The following SULT1C3 variants were observed in gnomAD, a reference collection of about 807,000 sequenced individuals.
SULT1C3 encodes the protein sulfotransferase 1C3.
SULT1C3 carries 31 observed loss-of-function variants against 28.4 expected under a neutral mutation model. The observed-to-expected ratio is 1.09, with a 90% CI of 0.82 to 1.47. SULT1C3 has a LOEUF of 1.47. Ranked by LOEUF, SULT1C3 falls within the 40% of genes most tolerant of loss-of-function variation. SULT1C3 has a pLI of 0.00. For missense variants in SULT1C3, 307 were observed against 272.5 expected (o/e 1.13, Z -0.89); for synonymous variants, 106 against 92.2 (o/e 1.15, Z -0.86).
chr2:108,259,992 G>C (rs1338736534), intron 7 of SULT1C3, among the ~76,000 whole-genome samples: 2 of 152,056 alleles, frequency 1.3e-5, no homozygotes, highest in Non-Finnish European at 2.9e-5. Flanking sequence ...TAATCCTCTT[G>C]TCAAAGGGTA....
intron 4 of SULT1C3, among the ~76,000 whole-genome samples, 172 bp from the exon 5 acceptor site, chr2:108,255,400 A>G (rs1022100434): frequency 1.3e-5 from 2 of 152,060 alleles, no homozygotes; most frequent in Non-Finnish European, 2.9e-5. Context: ...CATGGGTATG[A>G]GGGTTGCAGA....
At position 108,252,373 on chromosome 2, in the gene SULT1C3, T is replaced by C; in HGVS notation, c.181T>C (p.Trp61Arg). The stretch of plus-strand genomic sequence containing the variant: ...ATTTCAAATATTTTCAGGTACAACA[T>C]GGATGCATGAAATTTTAGACATGAT... ...LATYPKSGTT[W>R]MHEILDMILN... The change falls in exon 3 of 8, where the codon TGG (tryptophan) becomes CGG (arginine). Residue 61 changes from tryptophan to arginine, a missense_variant. Transcript: ENST00000681802. 1 of 1,609,486 alleles carries C rather than the reference T, an allele frequency of 6.2e-7. No individual in the cohort carries two copies. Among genetic ancestry groups the C allele is most frequent in the Non-Finnish European group, 8.5e-7 (1 of 1,177,498 alleles).
chr2:108,245,404 T>C (rs1675554186), intron 1 of SULT1C3, among the ~76,000 whole-genome samples: 1 of 152,234 alleles, frequency 6.6e-6, no homozygotes, highest in Non-Finnish European at 1.5e-5. Flanking sequence ...CCTGCTATGA[T>C]GGCCTATGCT....
intron 1 of SULT1C3, among the ~76,000 whole-genome samples, chr2:108,243,614 G>A (rs1239136971): frequency 2.7e-5 from 4 of 146,074 alleles, no homozygotes; most frequent in Non-Finnish European, 4.5e-5. Context: ...CTGGGTGACA[G>A]AGCAAGACTC....
At chr2:108,243,330 T>C (rs1675505996) in intron 1 of SULT1C3, among the ~76,000 whole-genome samples, 1 of 152,126 alleles carries the variant, frequency 6.6e-6, no homozygotes, top group South Asian at 2.1e-4. Flanking sequence ...TAACAGCTCC[T>C]TCTTAAGATA....
Position 108,247,325 on chromosome 2 carries a change from C to G in SULT1C3, c.131C>G (p.Ala44Gly). ...TGGGAAAAAGTATGTAATTTCCAAG[C>G]CAAGCCTGATGATCTTATTCTGGCA... ...EWWEKVCNFQ[A>G]KPDDLILATY... Residue 44 changes from alanine to glycine, a missense_variant, in exon 2 of 8, where the codon GCC (alanine) becomes GGC (glycine). By Grantham distance (60) the Ala-to-Gly change is moderately conservative. Transcript: ENST00000681802. 1 of 1,573,754 alleles carries G rather than the reference C, an allele frequency of 6.4e-7. No homozygotes were observed. Among genetic ancestry groups the G allele is most frequent in the Non-Finnish European group, 8.6e-7 (1 of 1,158,730 alleles).
chr2:108,245,015 T>C (rs1323944875), intron 1 of SULT1C3, among the ~76,000 whole-genome samples: 3 of 152,170 alleles, frequency 2.0e-5, no homozygotes, highest in Non-Finnish European at 4.4e-5. Flanking sequence ...CTGTTACCCA[T>C]CTAAAAACAG....
chr2:108,243,917 A>G (rs1433094747), intron 1 of SULT1C3, among the ~76,000 whole-genome samples: 1 of 152,236 alleles, frequency 6.6e-6, no homozygotes, highest in East Asian at 1.9e-4. Context: ...GGCTGAGAGT[A>G]AAGTATATTA....
chr2:108,253,508 CT>C, intron 4 of SULT1C3, 66 bp downstream of exon 4: 2 of 819,844 alleles, frequency 2.4e-6, no homozygotes, highest in Non-Finnish European at 3.5e-6. Flanking sequence ...CTGAAGATAT[CT>C]TTCAAAATAA....
In SULT1C3 at chr2:108,255,569, C is replaced by T; in HGVS notation, c.400-3C>T. On this transcript the variant is annotated splice_polypyrimidine_tract_variant and splice_region_variant and intron_variant, in intron 4 of 7. Coordinates refer to ENST00000681802, the MANE Select transcript of SULT1C3 (RefSeq NM_001320878.2). ...TGGCTTCCTTCCCTCTCCTTGATTT[C>T]AGATTGTCTATGTGGCCAGAAATCC... The T allele has an allele frequency of 6.2e-7, 1 of 1,609,274 alleles. No homozygotes were observed. Among genetic ancestry groups the T allele is most frequent in the Non-Finnish European group, 8.5e-7 (1 of 1,177,552 alleles).
At chr2:108,255,995 A>C (rs1190056839) in intron 5 of SULT1C3, among the ~76,000 whole-genome samples, 1 of 152,092 alleles carries the variant, frequency 6.6e-6, no homozygotes, top group South Asian at 2.1e-4. Context: ...CTATGGAAAG[A>C]CCTGGCAGTG....
chr2:108,241,675 C>G (rs1489688772), intron 1 of SULT1C3, among the ~76,000 whole-genome samples: 3 of 152,148 alleles, frequency 2.0e-5, no homozygotes, highest in African/African-American at 7.2e-5. Context: ...TGCCTGTAAT[C>G]CCAGCACTTT....
chr2:108,248,088 G>T (rs1166941440), intron 2 of SULT1C3, among the ~76,000 whole-genome samples: 1 of 152,142 alleles, frequency 6.6e-6, no homozygotes, highest in East Asian at 1.9e-4. Context: ...TATATTCCCA[G>T]AATTGTTTGT....
intron 1 of SULT1C3, among the ~76,000 whole-genome samples, chr2:108,243,917 A>T (rs1433094747): frequency 6.6e-6 from 1 of 152,236 alleles, no homozygotes; most frequent in South Asian, 2.1e-4. Flanking sequence ...GGCTGAGAGT[A>T]AAGTATATTA....
chr2:108,249,227 T>G (rs1023432020), intron 2 of SULT1C3, among the ~76,000 whole-genome samples: 3 of 152,066 alleles, frequency 2.0e-5, no homozygotes, highest in Admixed American at 6.6e-5. Context: ...TTGTTTTAAC[T>G]CATGAAGCTT....
intron 2 of SULT1C3, among the ~76,000 whole-genome samples, chr2:108,252,106 CATAG>C (rs1157188583): frequency 1.1e-4 from 16 of 151,374 alleles, no homozygotes; most frequent in African/African-American, 2.7e-4. Context: ...TACTTAGATA[CATAG>C]ATAGATACAT....
downstream of SULT1C3, chr2:108,264,888 C>A (rs1434552212): frequency 1.2e-6 from 2 of 1,613,674 alleles, no homozygotes; most frequent in African/African-American, 2.7e-5. Context: ...AGAGGAAATT[C>A]TGAATAAAAT....
At chr2:108,249,576 C>A (rs17035897) in intron 2 of SULT1C3, among the ~76,000 whole-genome samples, 12,088 of 151,884 alleles carry the variant, frequency 0.08, 607 homozygotes, top group African/African-American at 0.13. Context: ...CAAAGCTGTG[C>A]ATGATTTGAA....
chr2:108,251,515 G>C (rs1212864806), intron 2 of SULT1C3, among the ~76,000 whole-genome samples: 1 of 151,982 alleles, frequency 6.6e-6, no homozygotes, highest in African/African-American at 2.4e-5. Context: ...TCTTGGCATG[G>C]TGCAAGAAGT....
Sources: allele counts gnomAD v4.1 joint callset (sites outside exome capture counted in the v4.1 genomes callset), GRCh38; gene constraint gnomAD v4.1.1; transcripts MANE v1.5; gene names NCBI Gene and HGNC (gene_info 2026-07-23, HGNC 2026-07-21).